The following RGSL1 variants were observed in gnomAD, a reference collection of about 807,000 sequenced individuals.
RGSL1 encodes regulator of G protein signaling like 1.
In RGSL1, 97 loss-of-function variants were observed where a neutral mutation model predicts 124.7. The ratio of observed to expected loss-of-function variants is 0.78; its 90% confidence interval spans 0.66 to 0.92. The LOEUF is 0.92. Among genes scored for constraint, RGSL1 ranks in the 40% least tolerant of loss-of-function variants. RGSL1 has a pLI of 0.00. For synonymous variants in RGSL1, 424 were observed against 438.1 expected (o/e 0.97, Z 0.40); for missense variants, 1,233 against 1,288.4 (o/e 0.96, Z 0.66).
intron 9 of RGSL1, among the ~76,000 whole-genome samples, chr1:182,494,411 G>A (rs1655758246): frequency 6.6e-6 from 1 of 152,186 alleles, no homozygotes; most frequent in Admixed American, 6.5e-5. Flanking sequence ...GCCCCATGTG[G>A]CCACTGAGCA....
chr1:182,524,229 C>A (rs573017031), intron 10 of RGSL1, among the ~76,000 whole-genome samples: 1 of 152,236 alleles, frequency 6.6e-6, no homozygotes, highest in Non-Finnish European at 1.5e-5. Flanking sequence ...TTTGTTGGAG[C>A]AGCAGGTGGC....
In RGSL1 at chr1:182,554,635, A is replaced by G. The variant is rs767935446; in HGVS notation, c.3139A>G (p.Ser1047Gly). ...TCTGTATTTCTCTTTAGCTTCATCAAGCAAACTTACTCAGCCAAGACTCGT... is the reference window on the plus strand; with the variant it reads ...TCTGTATTTCTCTTTAGCTTCATCAGGCAAACTTACTCAGCCAAGACTCGT... ...AISSVQNSSS[S>G]KLTQPRLVVS... Residue 1047 changes from serine to glycine, a missense_variant, in exon 20 of 22, where the codon AGC (serine) becomes GGC (glycine). Coordinates refer to ENST00000294854, the MANE Select transcript of RGSL1 (RefSeq NM_001137669.2). The G allele has an allele frequency of 3.2e-6, 5 of 1,551,532 alleles. No homozygotes were observed.
At chr1:182,453,937 T>C (rs1652058940) in intron 1 of RGSL1, 21 bp from the exon 2 acceptor site, 3 of 1,311,062 alleles carry the variant, frequency 2.3e-6, no homozygotes, top group Non-Finnish European at 3.2e-6. Flanking sequence ...TTTGTTTTTT[T>C]ATTTCTCTCT....
chr1:182,480,517 G>A (rs1355678876), intron 6 of RGSL1, among the ~76,000 whole-genome samples: 1 of 150,558 alleles, frequency 6.6e-6, no homozygotes, highest in African/African-American at 2.5e-5. Flanking sequence ...GTGCAGTGGC[G>A]CAATCTTGGC....
intron 10 of RGSL1, 68 bp downstream of exon 10, chr1:182,522,177 A>T (rs1254314137): frequency 9.4e-7 from 1 of 1,062,074 alleles, no homozygotes; most frequent in African/African-American, 1.6e-5. Context: ...CAACATGTCT[A>T]ATGGTAAACT....
In RGSL1 at chr1:182,530,702, C is replaced by T. The variant is rs1659110614; in HGVS notation, c.2244-88C>T. 7 of 1,385,316 alleles carry T rather than the reference C, an allele frequency of 5.1e-6. No homozygotes were observed. The South Asian group carries it at 9.6e-5, about 19-fold the overall frequency. The allele number at this position is 1,385,316 out of a possible 1,614,324, so 85.8% of individuals were successfully genotyped here. On this transcript the variant is annotated intron_variant, in intron 12 of 21. Coordinates refer to ENST00000294854, the MANE Select transcript of RGSL1 (RefSeq NM_001137669.2). ...TCCCCAATTACCACTGAGAGTTCCTCCAGAAGCTGAGGTAGGTTTGCCTGG... is the reference window on the plus strand; with the variant it reads ...TCCCCAATTACCACTGAGAGTTCCTTCAGAAGCTGAGGTAGGTTTGCCTGG...
At chr1:182,554,873 G>T in intron 20 of RGSL1, 180 bp downstream of exon 20, 1 of 618,390 alleles carries the variant, frequency 1.6e-6, no homozygotes, top group Non-Finnish European at 2.8e-6. Flanking sequence ...TCTCTGTGGG[G>T]GTCCTTTCTC....
chr1:182,515,539 G>GT (rs1657803671), intron 9 of RGSL1, among the ~76,000 whole-genome samples: 1 of 63,216 alleles, frequency 1.6e-5, no homozygotes, highest in South Asian at 5.0e-4. Flanking sequence ...ACAGTTTAAA[G>GT]TAAAAAAAAA....
intron 14 of RGSL1, among the ~76,000 whole-genome samples, chr1:182,533,243 A>G (rs1163904314): frequency 6.7e-6 from 1 of 149,674 alleles, no homozygotes; most frequent in Non-Finnish European, 1.5e-5. Flanking sequence ...ATGTATCTTA[A>G]TATTTACTTT....
chr1:182,454,582 T>TTGTGTGTG (rs1245522420), intron 2 of RGSL1, among the ~76,000 whole-genome samples: 2 of 119,666 alleles, frequency 1.7e-5, no homozygotes, highest in African/African-American at 7.8e-5. Flanking sequence ...CTCTCTTGAG[T>TTGTGTGTG]TGTATGTGTG....
intron 13 of RGSL1, among the ~76,000 whole-genome samples, chr1:182,531,566 T>G (rs1358986579): frequency 4.6e-5 from 7 of 152,174 alleles, no homozygotes; most frequent in Admixed American, 4.6e-4. Flanking sequence ...TTCTAAGATA[T>G]CTCGGAAAAT....
intron 2 of RGSL1, among the ~76,000 whole-genome samples, chr1:182,455,989 G>A (rs1652289810): frequency 6.6e-6 from 1 of 152,214 alleles, no homozygotes; most frequent in South Asian, 2.1e-4. Flanking sequence ...CGGTTAGGAG[G>A]TTGTTTCAAT....
intron 1 of RGSL1, among the ~76,000 whole-genome samples, chr1:182,452,912 G>T (rs955460453): frequency 6.6e-6 from 1 of 152,186 alleles, no homozygotes; most frequent in Non-Finnish European, 1.5e-5. Context: ...TGAGCTTAGG[G>T]CATAGTATTC....
intron 9 of RGSL1, among the ~76,000 whole-genome samples, chr1:182,513,812 A>C (rs902340198): frequency 6.6e-6 from 1 of 152,100 alleles, no homozygotes; most frequent in Non-Finnish European, 1.5e-5. Flanking sequence ...TCACTTGACA[A>C]AATGAGGAGA....
At position 182,476,681 on chromosome 1, in the gene RGSL1, G is replaced by A. The variant is rs528777233; in HGVS notation, c.1431+2139G>A. ...GTGAGAACCTTGAAAACAGATGGCT[G>A]TCTCAATGAAGATTTTTACTTTCAG... On this transcript the variant is annotated intron_variant, in intron 6 of 21. Transcript: ENST00000294854. 3.9e-5 allele frequency among the ~76,000 whole-genome samples: 6 copies of A among 152,296 alleles called. No homozygotes were observed. In the East Asian group the frequency reaches 1.2e-3, roughly 29 times the overall value.
intron 9 of RGSL1, among the ~76,000 whole-genome samples, chr1:182,521,060 T>C (rs1236357170): frequency 1.3e-5 from 2 of 152,166 alleles, no homozygotes; most frequent in Admixed American, 1.3e-4. Flanking sequence ...TAATAAAGTT[T>C]TGTTTTTATT....
rs140984236 is a variant in RGSL1 at position 182,558,988 on chromosome 1, T to C, written c.*166-1291T>C. Reference sequence around the variant, plus strand: ...AGACCACCTTCCTTAGAGAAGAATGTATGAACGCACAATCTGGGCCTCTGA... The same window carrying C: ...AGACCACCTTCCTTAGAGAAGAATGCATGAACGCACAATCTGGGCCTCTGA... On this transcript the variant is annotated intron_variant, in intron 21 of 21. Coordinates refer to ENST00000294854, the MANE Select transcript of RGSL1 (RefSeq NM_001137669.2). Among the ~76,000 whole-genome samples the C allele has an allele frequency of 1.2e-3, 189 of 152,346 alleles. 2 individuals carry two copies. The highest frequency in any genetic ancestry group is 0.01 in the Middle Eastern group (3 of 292).
In RGSL1 at chr1:182,556,337, G is replaced by T. The variant is rs1042121868; in HGVS notation, c.*165+115G>T. Reference sequence around the variant, plus strand: ...TCTTCCTGGCTGTGTGCAAATCCTGGCTCAGGTTGTTAAAGAATCCCATGA... The same window carrying T: ...TCTTCCTGGCTGTGTGCAAATCCTGTCTCAGGTTGTTAAAGAATCCCATGA... On this transcript the variant is annotated intron_variant, in intron 21 of 21. Transcript: ENST00000294854. The T allele has an allele frequency of 1.3e-5, 5 of 379,884 alleles. No homozygotes were observed. In the Admixed American group the frequency reaches 2.1e-4, roughly 16 times the overall value. The allele number at this position is 379,884 out of a possible 1,614,324, so 23.5% of individuals were successfully genotyped here.
intron 9 of RGSL1, among the ~76,000 whole-genome samples, chr1:182,502,146 T>G (rs1233065149): frequency 1.3e-5 from 2 of 152,238 alleles, no homozygotes; most frequent in Non-Finnish European, 2.9e-5. Flanking sequence ...AGCTAAATGT[T>G]TGCCAATTTT....
Sources: gnomAD v4.1 joint callset for allele counts (sites outside exome capture counted in the v4.1 genomes callset) on GRCh38, gnomAD v4.1.1 for gene constraint, MANE v1.5 for transcripts, NCBI Gene and HGNC (gene_info 2026-07-23, HGNC 2026-07-21) for gene names.